The following CYREN variants were observed in gnomAD, a reference collection of about 807,000 sequenced individuals.
CYREN encodes cell cycle regulator of non-homologous end joining.
CYREN carries 7 observed loss-of-function variants against 9.7 expected under a neutral mutation model. That is an observed-to-expected ratio of 0.72 (90% CI 0.41 to 1.36). CYREN has a LOEUF of 1.36. Among genes scored for constraint, CYREN ranks in the 40% most tolerant of loss-of-function variants. The pLI is 0.01. For synonymous variants in CYREN, 76 were observed against 77.9 expected (o/e 0.98, Z 0.13); for missense variants, 215 against 198.1 (o/e 1.09, Z -0.51).
At chr7:135,133,960 A>G (rs1380820628) in intron 2 of CYREN, among the ~76,000 whole-genome samples, 1 of 152,138 alleles carries the variant, frequency 6.6e-6, no homozygotes, top group African/African-American at 2.4e-5. Flanking sequence ...TGAGAAAAAA[A>G]AAAGCTGATC....
In CYREN at chr7:135,126,520, C is replaced by T. The variant is rs371796778; in HGVS notation, n.357-31938G>A. Among the ~76,000 whole-genome samples, 4 of 152,298 alleles carry T rather than the reference C, an allele frequency of 2.6e-5. No individual in the cohort carries two copies. In the East Asian group the frequency reaches 7.7e-4, roughly 29 times the overall value. On this transcript the variant is annotated intron_variant and non_coding_transcript_variant, in intron 2 of 2. Transcript: ENST00000459937. ...ATCAAACTACCACTGACATTCTTCACAGATTTAGAAAAAACTACTTTAAAT... is the reference window on the plus strand; with the variant it reads ...ATCAAACTACCACTGACATTCTTCATAGATTTAGAAAAAACTACTTTAAAT...
intron 2 of CYREN, among the ~76,000 whole-genome samples, chr7:135,145,670 G>A (rs1325392170): frequency 6.6e-6 from 1 of 152,148 alleles, no homozygotes; most frequent in African/African-American, 2.4e-5. Flanking sequence ...TATCTTCAGA[G>A]AAGATCAAAA....
At chr7:135,103,639 T>C (rs1290921184) in intron 2 of CYREN, among the ~76,000 whole-genome samples, 1 of 152,182 alleles carries the variant, frequency 6.6e-6, no homozygotes, top group Non-Finnish European at 1.5e-5. Context: ...TTTCACATTC[T>C]ATCTCAGTAG....
intron 3 of CYREN, chr7:135,167,483 T>C (rs541184900): frequency 1.4e-6 from 2 of 1,389,088 alleles, no homozygotes; most frequent in African/African-American, 1.5e-5. Flanking sequence ...ACGCTCTCCC[T>C]AACACACACA....
intron 2 of CYREN, among the ~76,000 whole-genome samples, chr7:135,140,167 A>G (rs1829427120): frequency 6.6e-6 from 1 of 152,090 alleles, no homozygotes; most frequent in Admixed American, 6.6e-5. Flanking sequence ...AGTCCATTTT[A>G]ACAATATCGA....
chr7:135,109,545 A>G (rs1490650905), intron 2 of CYREN, among the ~76,000 whole-genome samples: 1 of 151,824 alleles, frequency 6.6e-6, no homozygotes, highest in Non-Finnish European at 1.5e-5. Flanking sequence ...GTCACCTCGG[A>G]TTTTTCAGCA....
chr7:135,154,499 A>C (rs919316976), intron 2 of CYREN, among the ~76,000 whole-genome samples: 3 of 152,140 alleles, frequency 2.0e-5, no homozygotes, highest in African/African-American at 4.8e-5. Flanking sequence ...TAATGCTATA[A>C]ACTTCCCTCT....
intron 3 of CYREN, 25 bp downstream of exon 3, chr7:135,167,707 G>A: frequency 3.1e-6 from 5 of 1,613,436 alleles, no homozygotes; most frequent in Non-Finnish European, 4.2e-6. Flanking sequence ...TTCTGGTCAT[G>A]AGTAAGAGGC....
In CYREN at chr7:135,136,378, C is replaced by T. The variant is rs574166840; in HGVS notation, n.356+32371G>A. Among the ~76,000 whole-genome samples, 50 of 152,120 alleles carry T rather than the reference C, an allele frequency of 3.3e-4. No homozygotes were observed. The South Asian group carries it at 5.2e-3, about 16-fold the overall frequency. On this transcript the variant is annotated intron_variant and non_coding_transcript_variant, in intron 2 of 2. Coordinates refer to the CYREN transcript ENST00000459937. ...ACTATTATGTTTTAAAGGACCATGACCATAGATTTCCTCAGGAATCTTTAA... is the reference window on the plus strand; with the variant it reads ...ACTATTATGTTTTAAAGGACCATGATCATAGATTTCCTCAGGAATCTTTAA...
chr7:135,157,598 G>A (rs1421570009), intron 2 of CYREN, among the ~76,000 whole-genome samples: 8 of 152,202 alleles, frequency 5.3e-5, no homozygotes, highest in Admixed American at 5.2e-4. Context: ...CCCAGTGTGT[G>A]GGCATGATCT....
chr7:135,159,950 T>G (rs1437040813), intron 2 of CYREN, among the ~76,000 whole-genome samples: 1 of 152,184 alleles, frequency 6.6e-6, no homozygotes, highest in Non-Finnish European at 1.5e-5. Flanking sequence ...CATAAGTTGA[T>G]TCACAAAAAT....
intron 2 of CYREN, chr7:135,148,178 G>C (rs1407727203): frequency 6.9e-6 from 3 of 431,836 alleles, no homozygotes; most frequent in South Asian, 4.9e-5. Context: ...TCTGACATTA[G>C]AAAGCCAGCG....
intron 2 of CYREN, among the ~76,000 whole-genome samples, chr7:135,112,798 G>A (rs922302735): frequency 5.9e-5 from 9 of 152,058 alleles, no homozygotes; most frequent in Non-Finnish European, 1.0e-4. Context: ...TTTTGAGATG[G>A]AGTATTGATT....
chr7:135,122,403 C>T (rs1827261082), intron 2 of CYREN, among the ~76,000 whole-genome samples: 1 of 152,220 alleles, frequency 6.6e-6, no homozygotes, highest in Admixed American at 6.5e-5. Context: ...GCCTGAGCCC[C>T]TAGCGGGAGG....
At chr7:135,164,589 T>C (rs1219215198), downstream of CYREN, 4 of 1,614,120 alleles carry the variant, frequency 2.5e-6, no homozygotes, top group South Asian at 4.4e-5. Context: ...AATCGGCTTC[T>C]ATAACTTCTG....
chr7:135,146,733 A>C (rs946938523), intron 2 of CYREN, among the ~76,000 whole-genome samples: 12 of 152,162 alleles, frequency 7.9e-5, no homozygotes, highest in Non-Finnish European at 1.3e-4. Context: ...AAAAATCAAG[A>C]AGTACCAATC....
At chr7:135,111,347 T>C (rs1304771653) in intron 2 of CYREN, among the ~76,000 whole-genome samples, 1 of 152,200 alleles carries the variant, frequency 6.6e-6, no homozygotes, top group Non-Finnish European at 1.5e-5. Flanking sequence ...CTTCTCAACC[T>C]ACTGCTTGAG....
At chr7:135,132,067 G>C (rs1828851133) in intron 2 of CYREN, among the ~76,000 whole-genome samples, 1 of 152,112 alleles carries the variant, frequency 6.6e-6, no homozygotes, top group African/African-American at 2.4e-5. Flanking sequence ...ACCTGGCCTA[G>C]GTGGTTTTAG....
intron 2 of CYREN, among the ~76,000 whole-genome samples, chr7:135,120,689 C>T (rs1266244647): frequency 6.6e-6 from 1 of 152,150 alleles, no homozygotes; most frequent in East Asian, 1.9e-4. Context: ...AATATGCAGT[C>T]ACAAGAAACT....
Sources: allele counts gnomAD v4.1 joint callset (sites outside exome capture counted in the v4.1 genomes callset), GRCh38; gene constraint gnomAD v4.1.1; transcripts MANE v1.5; gene names NCBI Gene and HGNC (gene_info 2026-07-23, HGNC 2026-07-21).